The following ZNF33B variants were observed in gnomAD, a reference collection of about 807,000 sequenced individuals.
The protein encoded by ZNF33B is zinc finger protein 33B.
A neutral mutation model predicts 45.8 loss-of-function variants in ZNF33B; 29 were observed. That is an observed-to-expected ratio of 0.63 (90% CI 0.47 to 0.86). The LOEUF is 0.86. Among genes scored for constraint, ZNF33B ranks in the 40% least tolerant of loss-of-function variants. The probability of loss-of-function intolerance (pLI) is 0.00; values close to 1 mark genes in which losing one functional copy is unlikely to be tolerated. For synonymous variants in ZNF33B, 305 were observed against 307.8 expected (o/e 0.99, Z 0.10); for missense variants, 831 against 909.9 (o/e 0.91, Z 1.12).
chr10:42,576,701 TC>T (rs1564486577), intron 1 of ZNF33B, among the ~76,000 whole-genome samples: 3 of 152,160 alleles, frequency 2.0e-5, no homozygotes, highest in African/African-American at 2.4e-5. Context: ...AGGGGTCCTT[TC>T]CCCCAATTTT....
chr10:42,605,930 TA>T (rs375960681), intron 4 of ZNF33B, among the ~76,000 whole-genome samples: 2 of 149,810 alleles, frequency 1.3e-5, no homozygotes, highest in Admixed American at 6.7e-5. Context: ...ACCCTATCTC[TA>T]AAAAAAAATG....
chr10:42,584,576 A>C (rs1365440203), downstream of ZNF33B, among the ~76,000 whole-genome samples: 1 of 151,468 alleles, frequency 6.6e-6, no homozygotes, highest in Non-Finnish European at 1.5e-5. Context: ...GCTGGAGTGC[A>C]ATGGCACCAT....
At chr10:42,638,326 T>C (rs1306816838) in intron 1 of ZNF33B, 148 bp downstream of exon 1, 2 of 307,794 alleles carry the variant, frequency 6.5e-6, no homozygotes, top group Non-Finnish European at 6.3e-6. Context: ...CGTAGCGTCC[T>C]GGTAGACATG....
intron 4 of ZNF33B, among the ~76,000 whole-genome samples, chr10:42,623,479 G>A (rs758801119): frequency 6.6e-6 from 1 of 152,206 alleles, no homozygotes; most frequent in Non-Finnish European, 1.5e-5. Context: ...TACATCAACA[G>A]ATGAATGGAT....
intron 4 of ZNF33B, among the ~76,000 whole-genome samples, chr10:42,616,642 T>C (rs376261660): frequency 1.3e-5 from 2 of 152,204 alleles, no homozygotes; most frequent in Non-Finnish European, 1.5e-5. Flanking sequence ...ATCTCTCATA[T>C]AGAAAGTGTG....
At position 42,593,071 on chromosome 10, in the gene ZNF33B, G is replaced by A. The variant is rs757333852; in HGVS notation, c.1879C>T (p.His627Tyr). ...TFCQKSQLTQ[H>Y]QRIHIGEKPY... is the part of the protein sequence containing the mutation. The stretch of plus-strand genomic sequence containing the variant: ...TTCTCCCCTATGTGAATTCTCTGAT[G>A]CTGAGTGAGTTGTGACTTCTGGCAG... Residue 627 changes from histidine to tyrosine, a missense_variant, in exon 5 of 5, where the codon CAT (histidine) becomes TAT (tyrosine). Physicochemically the swap from His to Tyr is moderately conservative, Grantham distance 83. Coordinates refer to ENST00000359467, the MANE Select transcript of ZNF33B (RefSeq NM_006955.3). 7.4e-6 allele frequency: 12 copies of A among 1,613,932 alleles called. No homozygotes were observed. In the African/African-American group the frequency reaches 1.6e-4, roughly 22 times the overall value.
intron 4 of ZNF33B, among the ~76,000 whole-genome samples, chr10:42,621,054 G>A (rs563443331): frequency 6.6e-6 from 1 of 151,996 alleles, no homozygotes; most frequent in African/African-American, 2.4e-5. Context: ...GGCTGGGCAT[G>A]GTAGATAGCA....
intron 2 of ZNF33B, among the ~76,000 whole-genome samples, chr10:42,635,922 A>G (rs1371497062): frequency 1.3e-5 from 2 of 151,974 alleles, no homozygotes; most frequent in Non-Finnish European, 2.9e-5. Context: ...CGACGTCAAG[A>G]TATCGAGATC....
intron 4 of ZNF33B, among the ~76,000 whole-genome samples, chr10:42,611,803 T>C (rs184289782): frequency 6.6e-6 from 1 of 152,378 alleles, no homozygotes; most frequent in African/African-American, 2.4e-5. Context: ...TTTTTCTCTA[T>C]TAAGCTTCTA....
chr10:42,579,061 C>A (rs992318646), intron 1 of ZNF33B, among the ~76,000 whole-genome samples: 1 of 152,148 alleles, frequency 6.6e-6, no homozygotes, highest in Non-Finnish European at 1.5e-5. Context: ...TGTCTCTGCA[C>A]GGGGGATGCA....
At chr10:42,632,106 G>A in intron 3 of ZNF33B, 82 bp from the exon 4 acceptor site, 2 of 1,509,152 alleles carry the variant, frequency 1.3e-6, no homozygotes, top group African/African-American at 1.4e-5. Flanking sequence ...TTCTGGGGCT[G>A]CTTCAAGTTG....
At chr10:42,605,193 C>T (rs1316976831) in intron 4 of ZNF33B, 1 of 134,264 alleles carries the variant, frequency 7.4e-6, no homozygotes, top group Non-Finnish European at 1.6e-5. Flanking sequence ...AAAACTGGAA[C>T]AATACCAAGA....
chr10:42,583,796 G>A (rs1432735170), intron 1 of ZNF33B, among the ~76,000 whole-genome samples: 1 of 152,062 alleles, frequency 6.6e-6, no homozygotes, highest in Non-Finnish European at 1.5e-5. Flanking sequence ...CCCAACAGAT[G>A]TCACTTCTGC....
chr10:42,606,198 C>T (rs1837842297), intron 4 of ZNF33B, among the ~76,000 whole-genome samples: 1 of 151,754 alleles, frequency 6.6e-6, no homozygotes, highest in Non-Finnish European at 1.5e-5. Context: ...GGTGTGGTGG[C>T]TCATGCCTGT....
At chr10:42,609,393 G>A (rs544106233) in intron 4 of ZNF33B, among the ~76,000 whole-genome samples, 1 of 152,232 alleles carries the variant, frequency 6.6e-6, no homozygotes, top group East Asian at 1.9e-4. Context: ...ACTCCAGCCT[G>A]GGCAATATAG....
At chr10:42,577,132 C>CA (rs71014272) in intron 1 of ZNF33B, among the ~76,000 whole-genome samples, 49,152 of 81,506 alleles carry the variant, frequency 0.6, 15,194 homozygotes, top group East Asian at 0.72. Context: ...GACTCCATCT[C>CA]AAAAAAAAAA....
downstream of ZNF33B, among the ~76,000 whole-genome samples, chr10:42,587,133 C>T (rs1836951230): frequency 2.0e-5 from 3 of 152,252 alleles, no homozygotes; most frequent in East Asian, 5.8e-4. Context: ...CATGACCTTA[C>T]CACCTCCCAA....
chr10:42,577,805 G>A (rs1836769555), intron 1 of ZNF33B, among the ~76,000 whole-genome samples: 4 of 152,194 alleles, frequency 2.6e-5, no homozygotes, highest in African/African-American at 7.2e-5. Flanking sequence ...GCTGCAATTT[G>A]TATATGAGAT....
intron 4 of ZNF33B, among the ~76,000 whole-genome samples, chr10:42,595,947 C>G (rs1837382663): frequency 1.3e-5 from 2 of 151,778 alleles, no homozygotes; most frequent in African/African-American, 4.8e-5. Context: ...CTACACTTGA[C>G]TGAAACTTGA....
Sources: allele counts gnomAD v4.1 joint callset (sites outside exome capture counted in the v4.1 genomes callset), GRCh38; gene constraint gnomAD v4.1.1; transcripts MANE v1.5; gene names NCBI Gene and HGNC (gene_info 2026-07-23, HGNC 2026-07-21).